The following ADAMTS5 variants were observed in gnomAD, a reference collection of about 807,000 sequenced individuals.
ADAMTS5 encodes ADAM metallopeptidase with thrombospondin type 1 motif 5, also known as A disintegrin and metalloproteinase with thrombospondin motifs 5.
A neutral mutation model predicts 81.4 loss-of-function variants in ADAMTS5; 54 were observed. The observed-to-expected ratio is 0.66, with a 90% confidence interval of 0.53 to 0.83. The LOEUF is 0.83. ADAMTS5 is among the 40% of genes least tolerant of loss of function. ADAMTS5 has a pLI of 0.00. For synonymous variants in ADAMTS5, 532 were observed against 508.8 expected (o/e 1.05, Z -0.61); for missense variants, 1,194 against 1,229.9 (o/e 0.97, Z 0.44).
intron 1 of ADAMTS5, among the ~76,000 whole-genome samples, chr21:26,956,179 T>C (rs1190831064): frequency 1.3e-5 from 2 of 152,216 alleles, no homozygotes; most frequent in African/African-American, 4.8e-5. Context: ...AACATACTCT[T>C]CTAACCCTTT....
chr21:26,938,913 CA>C (rs1197630477), intron 3 of ADAMTS5, among the ~76,000 whole-genome samples: 1 of 152,176 alleles, frequency 6.6e-6, no homozygotes, highest in African/African-American at 2.4e-5. Flanking sequence ...TCTTCCTTTT[CA>C]ATATGCAGGT....
At chr21:26,952,445 G>T (rs1259591132) in intron 2 of ADAMTS5, among the ~76,000 whole-genome samples, 2 of 152,198 alleles carry the variant, frequency 1.3e-5, no homozygotes, top group Non-Finnish European at 2.9e-5. Context: ...TGTAACCCAA[G>T]ATTGCCTTAG....
rs1025527721 is a variant in ADAMTS5 at position 26,932,709 on chromosome 21, A to C, written c.1873+152T>G. 6.6e-5 allele frequency: 59 copies of C among 895,698 alleles called. 1 individual carries two copies. In the Middle Eastern group the frequency reaches 1.1e-3, roughly 16 times the overall value. 55.5% of individuals were successfully genotyped at this position (895,698 alleles called of 1,614,324 possible). A position where few individuals can be genotyped will look rare whatever the true frequency, so the allele number is the denominator to read the frequency against. ...GTGTGAGACTCCATCTCAAAAAAAA[A>C]CAAACACATAGGTGTTTGTTATTGA... On this transcript the variant is annotated intron_variant, in intron 5 of 7. Coordinates refer to ENST00000284987, the MANE Select transcript of ADAMTS5 (RefSeq NM_007038.5).
At chr21:26,929,360 G>A (rs1177907285) in intron 7 of ADAMTS5, among the ~76,000 whole-genome samples, 1 of 152,134 alleles carries the variant, frequency 6.6e-6, no homozygotes, top group African/African-American at 2.4e-5. Flanking sequence ...ACCATAAGAG[G>A]AAGCAGGAGA....
chr21:26,965,409 A>G lies in ADAMTS5; in HGVS notation c.983T>C (p.Leu328Pro). 1 of 1,614,228 alleles carries G rather than the reference A, an allele frequency of 6.2e-7. No individual in the cohort carries two copies. Among genetic ancestry groups the G allele is most frequent in the East Asian group, 2.2e-5 (1 of 44,872 alleles). ...VVVLGDKDKS[L>P]EVSKNAATTL... ...GGTGGCAGCGTTCTTGCTCACTTCC[A>G]GGCTCTTGTCCTTGTCGCCTAGCAC... The change falls in exon 1 of 8, where the codon CTG (leucine) becomes CCG (proline). Residue 328 changes from leucine (L) to proline (P), a missense_variant. Physicochemically the swap from Leu to Pro is moderately conservative, Grantham distance 98. This residue lies in a region of ADAMTS5 where 696 missense variants were observed against 817.6 expected (regional missense o/e 0.85). Coordinates refer to ENST00000284987, the MANE Select transcript of ADAMTS5 (RefSeq NM_007038.5).
rs911184733 is a variant in ADAMTS5, at chr21:26,966,095, G to A, written c.297C>T (p.Leu99=). The change falls in exon 1 of 8, where the codon CTC becomes CTT. Residue 99 remains leucine (L), a synonymous_variant. Coordinates refer to ENST00000284987, the MANE Select transcript of ADAMTS5 (RefSeq NM_007038.5). ...CCGAACCATCTCGCTCCAGGTCCAAGAGGAACCTCCGGCCGCCCGCGTAGA... is the reference window on the plus strand; with the variant it reads ...CCGAACCATCTCGCTCCAGGTCCAAAAGGAACCTCCGGCCGCCCGCGTAGA... ...YLVYAGGRRF[L]LDLERDGSVG... is the part of the protein sequence containing the mutation. 3 of 1,612,930 alleles carry A rather than the reference G, an allele frequency of 1.9e-6. No individual in the cohort carries two copies. The highest frequency in any genetic ancestry group is 2.5e-6 in the Non-Finnish European group (3 of 1,179,786).
chr21:26,943,529 G>A lies in ADAMTS5; in HGVS notation c.1256C>T (p.Ser419Phe). 1.9e-6 allele frequency: 3 copies of A among 1,613,406 alleles called. No homozygotes were observed. Among genetic ancestry groups the A allele is most frequent in the South Asian group, 1.1e-5 (1 of 91,030 alleles). The part of the protein sequence containing the change: ...AHEIGHLLGL[S>F]HDDSKFCEET... ...TTCACAGAATTTGGAATCGTCATGGGAGAGGCCAAGTAAATGTCCTAAGGG... is the reference window on the plus strand; with the variant it reads ...TTCACAGAATTTGGAATCGTCATGGAAGAGGCCAAGTAAATGTCCTAAGGG... Residue 419 changes from serine to phenylalanine, a missense_variant, in exon 3 of 8, where the codon TCC becomes TTC. Ser to Phe is a radical substitution (Grantham distance 155). Transcript: ENST00000284987.
At chr21:26,947,747 C>T (rs1170365282) in intron 2 of ADAMTS5, among the ~76,000 whole-genome samples, 14 of 152,086 alleles carry the variant, frequency 9.2e-5, no homozygotes, top group Admixed American at 2.6e-4. Context: ...AACTGTATTT[C>T]GCTGTTTGAA....
intron 2 of ADAMTS5, among the ~76,000 whole-genome samples, chr21:26,945,530 T>C (rs963491567): frequency 1.3e-5 from 2 of 152,188 alleles, no homozygotes; most frequent in African/African-American, 2.4e-5. Flanking sequence ...CAAGAGATTT[T>C]CACTTCATTT....
chr21:26,942,055 T>C (rs1346102630), intron 3 of ADAMTS5, among the ~76,000 whole-genome samples: 1 of 152,098 alleles, frequency 6.6e-6, no homozygotes, highest in Non-Finnish European at 1.5e-5. Context: ...TGTATTGAGA[T>C]ATATTTTAAA....
At chr21:26,927,203 C>G (rs541768943) in intron 7 of ADAMTS5, among the ~76,000 whole-genome samples, 3 of 152,218 alleles carry the variant, frequency 2.0e-5, no homozygotes, top group African/African-American at 7.2e-5. Flanking sequence ...GTGCCAAGGA[C>G]AATGTCTGTC....
intron 6 of ADAMTS5, among the ~76,000 whole-genome samples, chr21:26,931,055 AT>A (rs907141949): frequency 6.0e-5 from 9 of 149,946 alleles, no homozygotes; most frequent in East Asian, 2.0e-4. Context: ...TTCAGAGGTA[AT>A]TTTTTTTTTG....
At position 26,965,833 on chromosome 21, in the gene ADAMTS5, C is replaced by A; in HGVS notation, c.559G>T (p.Ala187Ser). 1.9e-6 allele frequency: 3 copies of A among 1,611,078 alleles called. No individual in the cohort carries two copies. Among genetic ancestry groups the A allele is most frequent in the Non-Finnish European group, 2.5e-6 (3 of 1,178,960 alleles). Residue 187 changes from alanine to serine, a missense_variant, in exon 1 of 8, where the codon GCA becomes TCA. Transcript: ENST00000284987. ...EKGRVYGDGS[A>S]RILHVYTREG... is the part of the protein sequence containing the mutation. Reference sequence around the variant, plus strand: ...CGGGTGTAGACGTGCAGGATCCGTGCGGACCCATCCCCGTACACGCGCCCC... The same window carrying A: ...CGGGTGTAGACGTGCAGGATCCGTGAGGACCCATCCCCGTACACGCGCCCC...
At chr21:26,958,708 G>T (rs1017524017) in intron 1 of ADAMTS5, among the ~76,000 whole-genome samples, 1 of 152,344 alleles carries the variant, frequency 6.6e-6, no homozygotes, top group East Asian at 1.9e-4. Flanking sequence ...GTGGTAAATA[G>T]ATGAAATAAG....
At chr21:26,937,072 G>A (rs1324374750) in intron 3 of ADAMTS5, among the ~76,000 whole-genome samples, 1 of 152,190 alleles carries the variant, frequency 6.6e-6, no homozygotes, top group Non-Finnish European at 1.5e-5. Context: ...TTTACCATGT[G>A]TGCATGCACA....
In ADAMTS5 at chr21:26,918,617, AG is replaced by A. The variant is rs1986627417; in HGVS notation, c.*5435del. 6.6e-6 allele frequency: 1 copy of A among 151,996 alleles called. No homozygotes were observed. Among genetic ancestry groups the A allele is most frequent in the Non-Finnish European group, 1.5e-5 (1 of 67,922 alleles). The allele number at this position is 151,996 out of a possible 1,614,324, so 9.4% of individuals were successfully genotyped here. On this transcript the variant is annotated 3_prime_UTR_variant, in exon 8 of 8. Coordinates refer to ENST00000284987, the MANE Select transcript of ADAMTS5 (RefSeq NM_007038.5). ...GTGCCTGAGTGTATAATGCAAAAAT[AG>A]CATCCAGAGATTATATATTTCTTAA...
At position 26,943,522 on chromosome 21, in the gene ADAMTS5, G is replaced by T. The variant is rs61088614; in HGVS notation, c.1263C>A (p.Asp421Glu). The change falls in exon 3 of 8, where the codon GAC becomes GAA. Residue 421 changes from aspartate to glutamate, a missense_variant. Coordinates refer to ENST00000284987, the MANE Select transcript of ADAMTS5 (RefSeq NM_007038.5). ...EIGHLLGLSH[D>E]DSKFCEETFG... The stretch of plus-strand genomic sequence containing the variant: ...AGGTCTCTTCACAGAATTTGGAATC[G>T]TCATGGGAGAGGCCAAGTAAATGTC... The T allele has an allele frequency of 7.4e-6, 12 of 1,613,336 alleles. No homozygotes were observed. The highest frequency in any genetic ancestry group is 9.3e-6 in the Non-Finnish European group (11 of 1,179,596).
In ADAMTS5 at chr21:26,928,240, T is replaced by C. The variant is rs533025730; in HGVS notation, c.2225+1646A>G. Among the ~76,000 whole-genome samples the C allele has an allele frequency of 2.0e-5, 3 of 152,280 alleles. No homozygotes were observed. The South Asian group carries it at 6.2e-4, about 32-fold the overall frequency. On this transcript the variant is annotated intron_variant, in intron 7 of 7. Coordinates refer to ENST00000284987, the MANE Select transcript of ADAMTS5 (RefSeq NM_007038.5). ...CATTGAGCCAAAGCTTGATTACAAA[T>C]ATTGCAGTATGAGATCAATGTTCTT... is the stretch of plus-strand genomic sequence containing the variant.
chr21:26,930,234 C>T (rs1568839641), intron 6 of ADAMTS5, among the ~76,000 whole-genome samples, 173 bp from the exon 7 acceptor site: 1 of 151,278 alleles, frequency 6.6e-6, no homozygotes, highest in Non-Finnish European at 1.5e-5. Context: ...ACTGAAAAAT[C>T]CTTGTCATAT....
Sources: allele counts gnomAD v4.1 joint callset (sites outside exome capture counted in the v4.1 genomes callset), GRCh38; gene constraint gnomAD v4.1.1; regional missense constraint gnomAD v4.1.1; transcripts MANE v1.5; gene names NCBI Gene and HGNC (gene_info 2026-07-23, HGNC 2026-07-21).